Variants in FNBP1 observed in about 807,000 individuals in gnomAD.
FNBP1 encodes the protein formin-binding protein 1.
A neutral mutation model predicts 90.6 loss-of-function variants in FNBP1; 26 were observed. The ratio of observed to expected loss-of-function variants is 0.29; its 90% CI spans 0.21 to 0.40. The LOEUF is 0.40. Ranked by LOEUF, FNBP1 falls within the 10% of genes least tolerant of loss-of-function variation. FNBP1 has a pLI of 1.00. For missense variants in FNBP1, 635 were observed against 768.0 expected, an observed-to-expected ratio of 0.83 and a Z score of 2.05; for synonymous variants, 260 against 265.2, an observed-to-expected ratio of 0.98 and a Z score of 0.19.
intron 15 of FNBP1, among the ~76,000 whole-genome samples, chr9:129,898,497 G>C (rs2036220823): frequency 6.6e-6 from 1 of 151,178 alleles, no homozygotes; most frequent in African/African-American, 2.4e-5. Flanking sequence ...CAAACTGCCT[G>C]CTTTTTTTTT....
At chr9:130,047,047 G>A (rs1197352262), upstream of FNBP1, among the ~76,000 whole-genome samples, 8 of 152,028 alleles carry the variant, frequency 5.3e-5, no homozygotes, top group African/African-American at 1.9e-4. Context: ...CAGTCTTGAG[G>A]ACCAAGCCCT....
chr9:129,940,044 A>G (rs1285867765), intron 6 of FNBP1, among the ~76,000 whole-genome samples: 1 of 152,028 alleles, frequency 6.6e-6, no homozygotes, highest in Non-Finnish European at 1.5e-5. Flanking sequence ...CTAAAAAAAA[A>G]TTAAAAATAA....
At chr9:129,931,883 G>GACAA (rs1297997252) in intron 6 of FNBP1, among the ~76,000 whole-genome samples, 3 of 151,054 alleles carry the variant, frequency 2.0e-5, no homozygotes, top group Non-Finnish European at 3.0e-5. Flanking sequence ...ACAAGAAAAA[G>GACAA]ACAGAAAAGA....
chr9:129,939,939 A>C (rs1173949142), intron 6 of FNBP1, among the ~76,000 whole-genome samples: 1 of 152,104 alleles, frequency 6.6e-6, no homozygotes, highest in Admixed American at 6.6e-5. Flanking sequence ...AGCGGCTCAC[A>C]CCTGTAATCC....
chr9:129,951,725 A>G (rs2046207899), intron 6 of FNBP1, among the ~76,000 whole-genome samples: 1 of 151,850 alleles, frequency 6.6e-6, no homozygotes, highest in Non-Finnish European at 1.5e-5. Context: ...GATTACAGGC[A>G]TGAGCCACTA....
At chr9:129,932,263 AGAAAGT>A (rs2042882130) in intron 6 of FNBP1, among the ~76,000 whole-genome samples, 1 of 152,122 alleles carries the variant, frequency 6.6e-6, no homozygotes, top group Non-Finnish European at 1.5e-5. Flanking sequence ...AGAAAGAAAG[AGAAAGT>A]GAAAGAGAGA....
At position 129,899,981 on chromosome 9, in the gene FNBP1, A is replaced by C. The variant is rs752515021; in HGVS notation, c.1671T>G (p.Ala557=). The C allele has an allele frequency of 6.2e-7, 1 of 1,608,086 alleles. No homozygotes were observed. Among genetic ancestry groups the C allele is most frequent in the South Asian group, 1.1e-5 (1 of 90,192 alleles). Residue 557 remains alanine (A), a synonymous_variant, in exon 15 of 17, where the codon GCT becomes GCG. Transcript: ENST00000446176. The stretch of plus-strand genomic sequence containing the variant: ...AAATGTCACCTTCAAATGTGTAGAG[A>C]GCTTTGCACGTCCCTATGGCAGGGA... ...EPLPAIGTCK[A]LYTFEGQNEG... is the part of the protein sequence containing the mutation.
At chr9:129,909,962 CCA>C (rs1478001305) in intron 11 of FNBP1, among the ~76,000 whole-genome samples, 2 of 152,172 alleles carry the variant, frequency 1.3e-5, no homozygotes, top group Non-Finnish European at 2.9e-5. Context: ...AATCAGTTTT[CCA>C]CAGTGTACGA....
At chr9:129,942,156 A>G (rs2044422852) in intron 6 of FNBP1, among the ~76,000 whole-genome samples, 1 of 152,218 alleles carries the variant, frequency 6.6e-6, no homozygotes, top group Admixed American at 6.5e-5. Context: ...TAGCTAAACT[A>G]TCACATTAGA....
intron 10 of FNBP1, among the ~76,000 whole-genome samples, chr9:129,918,527 C>T (rs906670783): frequency 2.0e-5 from 3 of 152,182 alleles, no homozygotes; most frequent in Non-Finnish European, 4.4e-5. Context: ...TGTTATTGGA[C>T]AGTCACAGTA....
intron 4 of FNBP1, among the ~76,000 whole-genome samples, chr9:129,977,118 C>T (rs1255022598): frequency 7.9e-5 from 12 of 151,082 alleles, no homozygotes; most frequent in Non-Finnish European, 2.9e-5. Context: ...GAGATCGCAC[C>T]ACTTCACTCG....
rs537279476 is a variant in FNBP1 at position 129,899,768 on chromosome 9, A to G, written c.1687+197T>C. 9.1e-3 allele frequency among the ~76,000 whole-genome samples: 1,222 copies of G among 133,728 alleles called. 8 individuals are homozygous for G. Among genetic ancestry groups the G allele is most frequent in the Middle Eastern group, 0.022 (6 of 278 alleles). The allele number at this position is 133,728 out of a possible 152,430, so 87.7% of individuals were successfully genotyped here. A position where few individuals can be genotyped will look rare whatever the true frequency, so the allele number is the denominator to read the frequency against. ...AGGAAGGAAGGGAAGGAAGGGAAGG[A>G]AGGGAAGGGAGGGAAGGGAAGGGAA... On this transcript the variant is annotated intron_variant, in intron 15 of 16. Coordinates refer to ENST00000446176, the MANE Select transcript of FNBP1 (RefSeq NM_015033.3).
chr9:129,934,444 G>A (rs1399850534), intron 6 of FNBP1, among the ~76,000 whole-genome samples: 1 of 152,082 alleles, frequency 6.6e-6, no homozygotes, highest in Middle Eastern at 3.2e-3. Context: ...TCAGATCTAC[G>A]CTGCTTTTGT....
At chr9:129,960,396 A>G (rs940950925) in intron 4 of FNBP1, among the ~76,000 whole-genome samples, 7 of 145,590 alleles carry the variant, frequency 4.8e-5, no homozygotes, top group Non-Finnish European at 1.1e-4. Context: ...AAAAAAAAAA[A>G]AAAAAAAGAA....
Position 130,042,663 on chromosome 9 carries a change from CGGCCCGCTCCGGGGCGCCGGGGACAGGGA to C in FNBP1, c.24+260_24+288del, listed in dbSNP as rs1427894083. On this transcript the variant is annotated intron_variant, in intron 1 of 16. Coordinates refer to ENST00000446176, the MANE Select transcript of FNBP1 (RefSeq NM_015033.3). The surrounding 1 kb of genome is among the most constrained non-coding windows in gnomAD (Gnocchi z 5.5). The stretch of plus-strand genomic sequence containing the variant: ...GGATTAGGGCTCGGCCCGACACACA[CGGCCCGCTCCGGGGCGCCGGGGACAGGGA>C]GGCCCGCCCGCGCCGTTCCTCAGGC... 1.3e-5 allele frequency among the ~76,000 whole-genome samples: 2 copies of C among 151,688 alleles called. No homozygotes were observed. Among genetic ancestry groups the C allele is most frequent in the Non-Finnish European group, 2.9e-5 (2 of 67,850 alleles).
Position 129,997,196 on chromosome 9 carries a change from C to T in FNBP1, c.25-2238G>A, listed in dbSNP as rs149275167. Among the ~76,000 whole-genome samples the T allele has an allele frequency of 7.5e-3, 1,136 of 152,094 alleles. 11 individuals carry two copies. The highest frequency in any genetic ancestry group is 0.011 in the Non-Finnish European group (767 of 67,994). Reference sequence around the variant, plus strand: ...AAAAGTAGCCGGGCGTCATGGCAGGCACCTGTAATCCCAGCTACTCGGGAG... The same window carrying T: ...AAAAGTAGCCGGGCGTCATGGCAGGTACCTGTAATCCCAGCTACTCGGGAG... On this transcript the variant is annotated intron_variant, in intron 1 of 16. Transcript: ENST00000446176.
In FNBP1 at chr9:129,927,224, T is replaced by C; in HGVS notation, c.760A>G (p.Lys254Glu). The C allele has an allele frequency of 6.2e-7, 1 of 1,613,930 alleles. No homozygotes were observed. ...TTCTGATCAATTGATTCGGCTGCTT[T>C]TACTATTCCATCCAGGCACTTCCCA... ...IIGKCLDGIV[K>E]AAESIDQKND... Residue 254 changes from lysine (K) to glutamate (E), a missense_variant, in exon 8 of 17, where the codon AAA (lysine) becomes GAA (glutamate). Physicochemically the swap from Lys to Glu is moderately conservative, Grantham distance 56. Coordinates refer to ENST00000446176, the MANE Select transcript of FNBP1 (RefSeq NM_015033.3).
At chr9:129,945,911 T>A (rs1193775684) in intron 6 of FNBP1, among the ~76,000 whole-genome samples, 7 of 152,334 alleles carry the variant, frequency 4.6e-5, no homozygotes, top group Admixed American at 4.6e-4. Context: ...CTCACACCTG[T>A]AATCCCAGCA....
intron 13 of FNBP1, among the ~76,000 whole-genome samples, chr9:129,902,305 T>G (rs2037108989): frequency 6.6e-6 from 1 of 152,148 alleles, no homozygotes; most frequent in Admixed American, 6.5e-5. Context: ...CAAAAAATAC[T>G]GGCCAGGCAC....
Sources: allele counts gnomAD v4.1 joint callset (sites outside exome capture counted in the v4.1 genomes callset), GRCh38; gene constraint gnomAD v4.1.1; non-coding constraint Gnocchi (gnomAD v3.1); transcripts MANE v1.5; gene names NCBI Gene and HGNC (gene_info 2026-07-23, HGNC 2026-07-21).